KCNIP4: variants seen among roughly 807,000 people sequenced by gnomAD.
The protein encoded by KCNIP4 is Kv channel-interacting protein 4.
Under a neutral mutation model 34.0 loss-of-function variants are expected in KCNIP4, and 12 were observed. That is an observed-to-expected ratio of 0.35 (90% confidence interval 0.23 to 0.57). The LOEUF (loss-of-function observed/expected upper bound fraction) is 0.57. KCNIP4 is among the 20% of genes least tolerant of loss of function. KCNIP4 has a pLI of 0.83. For missense variants in KCNIP4, 238 were observed against 311.7 expected (o/e 0.76, Z 1.78); for synonymous variants, 124 against 102.2 (o/e 1.21, Z -1.29).
At chr4:20,783,391 A>G (rs1355901489) in intron 3 of KCNIP4, among the ~76,000 whole-genome samples, 1 of 152,206 alleles carries the variant, frequency 6.6e-6, no homozygotes, top group African/African-American at 2.4e-5. Flanking sequence ...GACTGGGAAG[A>G]AAAAGAGGTT....
At chr4:21,867,970 T>C (rs561285301) in intron 1 of KCNIP4, among the ~76,000 whole-genome samples, 1 of 152,276 alleles carries the variant, frequency 6.6e-6, no homozygotes, top group East Asian at 1.9e-4. Context: ...GTTACCTTAG[T>C]TTTAAAATCA....
intron 1 of KCNIP4, among the ~76,000 whole-genome samples, chr4:21,555,737 T>A (rs960577700): frequency 6.6e-6 from 1 of 152,190 alleles, no homozygotes; most frequent in African/African-American, 2.4e-5. Context: ...TTTCTTCAAA[T>A]ACATATTAAA....
chr4:21,509,004 T>C (rs1177970609), intron 1 of KCNIP4, among the ~76,000 whole-genome samples: 7 of 152,222 alleles, frequency 4.6e-5, no homozygotes, highest in African/African-American at 1.7e-4. Flanking sequence ...GGAGTCTGTA[T>C]GCCCTCCCCT....
intron 1 of KCNIP4, among the ~76,000 whole-genome samples, chr4:21,438,486 C>A (rs1216349201): frequency 1.3e-5 from 2 of 151,974 alleles, no homozygotes; most frequent in African/African-American, 4.8e-5. Flanking sequence ...TCAAATATGT[C>A]TTTTATTTAG....
At chr4:21,106,897 G>C (rs1748597346) in intron 1 of KCNIP4, among the ~76,000 whole-genome samples, 2 of 151,502 alleles carry the variant, frequency 1.3e-5, no homozygotes, top group Admixed American at 1.3e-4. Flanking sequence ...TTTCCATGTA[G>C]TTGAGCAGTT....
intron 1 of KCNIP4, among the ~76,000 whole-genome samples, chr4:21,732,195 T>A (rs1187809627): frequency 6.6e-6 from 1 of 152,158 alleles, no homozygotes; most frequent in East Asian, 1.9e-4. Flanking sequence ...CTAGTAAAAA[T>A]AATTATTCTT....
At chr4:21,915,601 C>T (rs1377827295) in intron 1 of KCNIP4, among the ~76,000 whole-genome samples, 1 of 152,162 alleles carries the variant, frequency 6.6e-6, no homozygotes, top group Admixed American at 6.5e-5. Flanking sequence ...ACCTTTCTAT[C>T]CCTTTTTGGA....
intron 1 of KCNIP4, among the ~76,000 whole-genome samples, chr4:21,876,451 A>G (rs1362331719): frequency 6.6e-6 from 1 of 152,166 alleles, no homozygotes; most frequent in African/African-American, 2.4e-5. Context: ...TAAGAAGCAG[A>G]AGCAGGATTG....
intron 1 of KCNIP4, among the ~76,000 whole-genome samples, chr4:20,901,608 C>T (rs994604056): frequency 1.3e-5 from 2 of 152,302 alleles, no homozygotes; most frequent in African/African-American, 2.4e-5. Context: ...CTTCTCAAAA[C>T]ATAATCAGAT....
rs528752204 is a variant in KCNIP4 at position 21,303,986 on chromosome 4, C to T, written c.62-421277G>A. On this transcript the variant is annotated intron_variant, in intron 1 of 8. Coordinates refer to ENST00000382152, the MANE Select transcript of KCNIP4 (RefSeq NM_025221.6). ...CTTTCTTTGTAAAGCCATTAAACTA[C>T]ATTAAGAAGGCTACTGCTGGAGAAA... 3.7e-5 allele frequency: 50 copies of T among 1,367,992 alleles called. No homozygotes were observed. The South Asian group carries it at 5.4e-4, about 15-fold the overall frequency. The allele number at this position is 1,367,992 out of a possible 1,614,324, so 84.7% of individuals were successfully genotyped here.
At chr4:21,228,779 G>A (rs140946486) in intron 1 of KCNIP4, among the ~76,000 whole-genome samples, 5 of 152,162 alleles carry the variant, frequency 3.3e-5, no homozygotes, top group African/African-American at 1.2e-4. Flanking sequence ...TTGTTCTTTT[G>A]TTAATATCAT....
chr4:21,539,064 G>T (rs552236269), intron 1 of KCNIP4, among the ~76,000 whole-genome samples: 10 of 152,126 alleles, frequency 6.6e-5, no homozygotes, highest in African/African-American at 2.4e-4. Context: ...CGCTCCTGCC[G>T]CCTTGTGAAG....
chr4:21,686,215 T>C (rs1036646661), intron 1 of KCNIP4, among the ~76,000 whole-genome samples: 2 of 152,122 alleles, frequency 1.3e-5, no homozygotes, highest in African/African-American at 4.8e-5. Context: ...GTAGAGGTAA[T>C]AATATTGAGC....
intron 1 of KCNIP4, among the ~76,000 whole-genome samples, chr4:21,453,833 G>A (rs139168710): frequency 2.4e-4 from 37 of 152,200 alleles, no homozygotes; most frequent in Middle Eastern, 3.4e-3. Context: ...GGGAAGCAGT[G>A]CTGCGTGATG....
intron 1 of KCNIP4, among the ~76,000 whole-genome samples, chr4:21,743,331 T>A (rs570150845): frequency 1.3e-5 from 2 of 152,030 alleles, no homozygotes; most frequent in Non-Finnish European, 2.9e-5. Context: ...ATGGCCCCTG[T>A]TCATCCTCAA....
intron 1 of KCNIP4, among the ~76,000 whole-genome samples, chr4:21,149,876 T>C (rs1752637166): frequency 6.6e-6 from 1 of 152,082 alleles, no homozygotes; most frequent in Non-Finnish European, 1.5e-5. Flanking sequence ...ACAAAGGAAT[T>C]ATAAAAACAT....
intron 1 of KCNIP4, among the ~76,000 whole-genome samples, chr4:21,409,431 C>T (rs1480810532): frequency 6.6e-6 from 1 of 151,990 alleles, no homozygotes; most frequent in Admixed American, 6.6e-5. Flanking sequence ...TTTGTGGATC[C>T]GCTTTTCTGA....
intron 1 of KCNIP4, among the ~76,000 whole-genome samples, chr4:21,788,299 C>A (rs1249174026): frequency 6.6e-6 from 1 of 151,746 alleles, no homozygotes; most frequent in East Asian, 1.9e-4. Context: ...AAAAAAAATT[C>A]TGGGATTAAA....
At chr4:21,252,650 A>G (rs1193986016) in intron 1 of KCNIP4, among the ~76,000 whole-genome samples, 1 of 152,150 alleles carries the variant, frequency 6.6e-6, no homozygotes, top group South Asian at 2.1e-4. Flanking sequence ...AAATTTCCCC[A>G]TGCTGTCAAT....
Sources: gnomAD v4.1 joint callset for allele counts (sites outside exome capture counted in the v4.1 genomes callset) on GRCh38, gnomAD v4.1.1 for gene constraint, MANE v1.5 for transcripts, NCBI Gene and HGNC (gene_info 2026-07-23, HGNC 2026-07-21) for gene names.